The following INPP5B variants were observed in gnomAD, a reference collection of about 807,000 sequenced individuals.
INPP5B encodes type II inositol 1,4,5-trisphosphate 5-phosphatase.
INPP5B carries 90 observed loss-of-function variants against 118.5 expected under a neutral mutation model. The ratio of observed to expected loss-of-function variants is 0.76; its 90% CI spans 0.64 to 0.90. The LOEUF (loss-of-function observed/expected upper bound fraction) is 0.90, where lower values mean the gene tolerates loss of function less well. INPP5B is among the 40% of genes least tolerant of loss of function. INPP5B has a pLI of 0.00. For missense variants in INPP5B, 984 were observed against 1,125.6 expected, an observed-to-expected ratio of 0.87 and a Z score of 1.80; for synonymous variants, 385 against 418.9, an observed-to-expected ratio of 0.92 and a Z score of 0.99.
At chr1:37,883,237 A>G in intron 13 of INPP5B, 1 of 985,432 alleles carries the variant, frequency 1.0e-6, no homozygotes, top group Non-Finnish European at 1.2e-6. Flanking sequence ...GGGAAAAAAA[A>G]TCAAGAATTG....
At chr1:37,869,599 C>T (rs1642279799) in intron 19 of INPP5B, among the ~76,000 whole-genome samples, 3 of 152,126 alleles carry the variant, frequency 2.0e-5, no homozygotes, top group African/African-American at 7.2e-5. Flanking sequence ...CCTGCCTCAG[C>T]CTCCCGAGCA....
intron 7 of INPP5B, among the ~76,000 whole-genome samples, chr1:37,908,340 T>C (rs963354118): frequency 3.9e-5 from 6 of 152,288 alleles, no homozygotes; most frequent in Admixed American, 3.3e-4. Context: ...AAGCAGTCTT[T>C]TCACTCTTCT....
intron 6 of INPP5B, among the ~76,000 whole-genome samples, chr1:37,934,082 C>T (rs966026404): frequency 1.3e-5 from 2 of 151,906 alleles, no homozygotes; most frequent in Admixed American, 1.3e-4. Flanking sequence ...TACAGGCACA[C>T]GGCACCACGC....
intron 7 of INPP5B, among the ~76,000 whole-genome samples, chr1:37,917,816 C>A (rs909738507): frequency 3.9e-5 from 6 of 152,104 alleles, no homozygotes; most frequent in Non-Finnish European, 5.9e-5. Flanking sequence ...TAGTGACTAG[C>A]ACATTGGACA....
intron 8 of INPP5B, 126 bp downstream of exon 8, chr1:37,891,232 A>AT (rs1643828502): frequency 3.3e-6 from 2 of 612,792 alleles, no homozygotes; most frequent in Non-Finnish European, 5.6e-6. Context: ...TGTCTCAAAA[A>AT]AAAAAAAAAA....
chr1:37,877,534 C>CT (rs1005980862), intron 16 of INPP5B, among the ~76,000 whole-genome samples: 22 of 152,154 alleles, frequency 1.4e-4, no homozygotes, highest in African/African-American at 5.1e-4. Flanking sequence ...AGTGGTAAAA[C>CT]TGTTGTGAGG....
intron 9 of INPP5B, 79 bp from the exon 10 acceptor site, chr1:37,888,423 C>T: frequency 1.1e-6 from 1 of 870,892 alleles, no homozygotes; most frequent in Non-Finnish European, 1.7e-6. Context: ...CTGATTTATG[C>T]TGGTTTCCGT....
chr1:37,869,499 G>A lies in INPP5B; in HGVS notation c.2188-885C>T, dbSNP rs556109273. ...TATTTATTTACTTATTTATTTATTCGAGATGGAGTCTTGCTCTGTCGCCCA... is the reference window on the plus strand; with the variant it reads ...TATTTATTTACTTATTTATTTATTCAAGATGGAGTCTTGCTCTGTCGCCCA... On this transcript the variant is annotated intron_variant, in intron 19 of 23. Coordinates refer to ENST00000373024, the MANE Select transcript of INPP5B (RefSeq NM_005540.3). Among the ~76,000 whole-genome samples, 283 of 150,102 alleles carry A rather than the reference G, an allele frequency of 1.9e-3. 1 individual carries two copies. Among genetic ancestry groups the A allele is most frequent in the African/African-American group, 6.5e-3 (264 of 40,868 alleles).
intron 2 of INPP5B, 119 bp from the exon 3 acceptor site, chr1:37,945,969 C>T: frequency 1.1e-6 from 1 of 890,092 alleles, no homozygotes; most frequent in Non-Finnish European, 1.8e-6. Flanking sequence ...TGGGTGAGCA[C>T]TCAAACCATG....
At chr1:37,909,526 C>A (rs1644613719) in intron 7 of INPP5B, among the ~76,000 whole-genome samples, 1 of 152,128 alleles carries the variant, frequency 6.6e-6, no homozygotes, top group African/African-American at 2.4e-5. Context: ...CCTCCTTTTT[C>A]TTTATCCAAC....
chr1:37,895,660 G>A lies in INPP5B; in HGVS notation c.533-4206C>T, dbSNP rs1275033269. Among the ~76,000 whole-genome samples the A allele has an allele frequency of 7.2e-5, 11 of 152,200 alleles. No homozygotes were observed. The South Asian group carries it at 8.3e-4, about 11-fold the overall frequency. On this transcript the variant is annotated intron_variant, in intron 7 of 23. Transcript: ENST00000373024. ...GCCGAGTGCCTGCGATTGCAGGCGCGCGCCGCCACGCCTGACTGGTTTTCG... is the reference window on the plus strand; with the variant it reads ...GCCGAGTGCCTGCGATTGCAGGCGCACGCCGCCACGCCTGACTGGTTTTCG...
At chr1:37,879,246 T>G (rs1047845625) in intron 15 of INPP5B, among the ~76,000 whole-genome samples, 13 of 149,510 alleles carry the variant, frequency 8.7e-5, no homozygotes, top group African/African-American at 3.2e-4. Context: ...CACTACAGCC[T>G]GGCGACAGAG....
At chr1:37,870,409 C>T (rs936633758) in intron 19 of INPP5B, among the ~76,000 whole-genome samples, 1 of 152,084 alleles carries the variant, frequency 6.6e-6, no homozygotes, top group East Asian at 1.9e-4. Flanking sequence ...CTGTGCCCAA[C>T]CCATGGCTGA....
chr1:37,873,775 T>C (rs1192504578), intron 18 of INPP5B, among the ~76,000 whole-genome samples: 5 of 152,370 alleles, frequency 3.3e-5, no homozygotes, highest in South Asian at 2.1e-4. Context: ...TGTGAAATTA[T>C]GGAACACATA....
intron 14 of INPP5B, among the ~76,000 whole-genome samples, chr1:37,880,599 G>A (rs1416937740): frequency 1.3e-5 from 2 of 151,898 alleles, no homozygotes; most frequent in African/African-American, 4.8e-5. Flanking sequence ...CACCACGCCT[G>A]GCTAACTTTT....
intron 7 of INPP5B, among the ~76,000 whole-genome samples, chr1:37,895,745 C>T (rs1322967818): frequency 1.3e-5 from 2 of 152,204 alleles, no homozygotes; most frequent in East Asian, 3.9e-4. Flanking sequence ...CAGCTCCTAA[C>T]CGCGAGTGAT....
chr1:37,880,086 T>C lies in INPP5B; in HGVS notation c.1540A>G (p.Ser514Gly). 1 of 1,600,582 alleles carries C rather than the reference T, an allele frequency of 6.2e-7. No individual in the cohort carries two copies. Among genetic ancestry groups the C allele is most frequent in the Non-Finnish European group, 8.6e-7 (1 of 1,169,418 alleles). ...YDTGSDDWDT[S>G]EKCRAPAWCD... ...CCTTTGAAGCAACCTCTGACCTACC[T>C]GGTATCCCAGTCGTCAGAGCCCGTA... The change falls in exon 15 of 24, where the codon AGT becomes GGT. Residue 514 changes from serine to glycine, a missense_variant and splice_region_variant. By Grantham distance (56) the Ser-to-Gly change is moderately conservative. Coordinates refer to ENST00000373024, the MANE Select transcript of INPP5B (RefSeq NM_005540.3).
rs1337527731 is a variant in INPP5B, at chr1:37,945,852, T to C, written c.58-2A>G. Reference sequence around the variant, plus strand: ...CTCACACAGCACACCTTGCACCGCCTGCGGCTCAGAGTCAAGGGAAGACAA... The same window carrying C: ...CTCACACAGCACACCTTGCACCGCCCGCGGCTCAGAGTCAAGGGAAGACAA... On this transcript the variant is annotated splice_acceptor_variant, in intron 2 of 23. Coordinates refer to ENST00000373024, the MANE Select transcript of INPP5B (RefSeq NM_005540.3). LOFTEE classifies it high-confidence loss of function. 2 of 1,613,760 alleles carry C rather than the reference T, an allele frequency of 1.2e-6. No homozygotes were observed. Among genetic ancestry groups the C allele is most frequent in the Non-Finnish European group, 1.7e-6 (2 of 1,179,846 alleles).
At chr1:37,882,940 G>GT in intron 13 of INPP5B, 22 bp from the exon 14 acceptor site, 4 of 1,613,998 alleles carry the variant, frequency 2.5e-6, no homozygotes, top group Non-Finnish European at 3.4e-6. Context: ...GAGCACAAAG[G>GT]TAACAGGGTT....
Sources: allele counts gnomAD v4.1 joint callset (sites outside exome capture counted in the v4.1 genomes callset), GRCh38; gene constraint gnomAD v4.1.1; transcripts MANE v1.5; gene names NCBI Gene and HGNC (gene_info 2026-07-23, HGNC 2026-07-21).